Variants in SEMA5A observed in about 807,000 individuals in gnomAD.
SEMA5A encodes the protein semaphorin-5A.
SEMA5A carries 55 observed loss-of-function variants against 135.5 expected under a neutral mutation model. The observed-to-expected ratio is 0.41, with a 90% confidence interval of 0.33 to 0.51. SEMA5A has a LOEUF of 0.51. Ranked by LOEUF, SEMA5A falls within the 20% of genes least tolerant of loss-of-function variation. The probability of loss-of-function intolerance (pLI) is 0.37; values close to 1 mark genes in which losing one functional copy is unlikely to be tolerated. For synonymous variants in SEMA5A, 580 were observed against 546.5 expected (o/e 1.06, Z -0.85); for missense variants, 1,290 against 1,419.9 (o/e 0.91, Z 1.47).
At chr5:9,460,191 T>C (rs1380785001) in intron 1 of SEMA5A, among the ~76,000 whole-genome samples, 1 of 152,180 alleles carries the variant, frequency 6.6e-6, no homozygotes, top group Non-Finnish European at 1.5e-5. Flanking sequence ...TTATCAATAA[T>C]ACAAATGAAG....
chr5:9,111,288 C>T (rs1203195682), intron 15 of SEMA5A, among the ~76,000 whole-genome samples: 49 of 152,074 alleles, frequency 3.2e-4, no homozygotes, highest in Non-Finnish European at 3.1e-4. Flanking sequence ...CTCCTAAAAA[C>T]AACAACAAAA....
chr5:9,516,338 C>T (rs972546202), intron 1 of SEMA5A, among the ~76,000 whole-genome samples: 1 of 152,148 alleles, frequency 6.6e-6, no homozygotes, highest in Non-Finnish European at 1.5e-5. Context: ...TTGCCCATCA[C>T]ATGGAGAACA....
chr5:9,141,219 T>C (rs1259051419), intron 12 of SEMA5A, among the ~76,000 whole-genome samples: 1 of 152,232 alleles, frequency 6.6e-6, no homozygotes, highest in African/African-American at 2.4e-5. Context: ...TTTTGGAAGC[T>C]GGATCTCTTT....
intron 18 of SEMA5A, among the ~76,000 whole-genome samples, chr5:9,058,710 C>A (rs913219602): frequency 6.6e-6 from 1 of 152,186 alleles, no homozygotes; most frequent in Non-Finnish European, 1.5e-5. Context: ...AAGATTTGCT[C>A]AACAGGCTTC....
intron 21 of SEMA5A, among the ~76,000 whole-genome samples, chr5:9,049,522 T>C (rs1177012824): frequency 6.6e-6 from 1 of 152,236 alleles, no homozygotes; most frequent in Non-Finnish European, 1.5e-5. Context: ...AGTACATTCC[T>C]GAAACATGCC....
chr5:9,150,283 G>A (rs1742562230), intron 12 of SEMA5A, among the ~76,000 whole-genome samples: 1 of 152,112 alleles, frequency 6.6e-6, no homozygotes, highest in Non-Finnish European at 1.5e-5. Flanking sequence ...AAATTCCTCA[G>A]AAATTAGTGA....
intron 1 of SEMA5A, among the ~76,000 whole-genome samples, chr5:9,476,467 T>C (rs1026706000): frequency 6.6e-6 from 1 of 152,166 alleles, no homozygotes; most frequent in Non-Finnish European, 1.5e-5. Flanking sequence ...GCTGCCTTTT[T>C]GGTTTCTTGA....
In SEMA5A at chr5:9,137,329, A is replaced by C. The variant is rs770878052; in HGVS notation, c.1482-708T>G. ...TATAGTTGTGTCTATAATATCCTAC[A>C]TATGATATCAGAAGTATTTTAGATG... On this transcript the variant is annotated intron_variant, in intron 12 of 22. Coordinates refer to ENST00000382496, the MANE Select transcript of SEMA5A (RefSeq NM_003966.3). Among the ~76,000 whole-genome samples, 5 of 152,196 alleles carry C rather than the reference A, an allele frequency of 3.3e-5. No homozygotes were observed. In the East Asian group the frequency reaches 9.6e-4, roughly 29 times the overall value.
chr5:9,515,671 G>A (rs1346271887), intron 1 of SEMA5A, among the ~76,000 whole-genome samples: 1 of 152,170 alleles, frequency 6.6e-6, no homozygotes. Context: ...GATAGTCCCC[G>A]GGAATAGCAG....
At chr5:9,470,550 C>G (rs146885228) in intron 1 of SEMA5A, among the ~76,000 whole-genome samples, 1 of 152,312 alleles carries the variant, frequency 6.6e-6, no homozygotes, top group African/African-American at 2.4e-5. Context: ...TATCCATGAG[C>G]GCTGTCCAGT....
chr5:9,378,044 TA>T (rs1755439984), intron 3 of SEMA5A, among the ~76,000 whole-genome samples: 1 of 152,158 alleles, frequency 6.6e-6, no homozygotes, highest in Non-Finnish European at 1.5e-5. Context: ...GGATGTAAAC[TA>T]CATGGATTAA....
rs1730773587 is a variant in SEMA5A at position 9,527,086 on chromosome 5, G to C, written c.-175+18498C>G. ...GGAGGCCAGGGAAACACAAGGGATAGTGCAGCGACAGGGCTAGTCACAGTG... is the reference window on the plus strand; with the variant it reads ...GGAGGCCAGGGAAACACAAGGGATACTGCAGCGACAGGGCTAGTCACAGTG... On this transcript the variant is annotated intron_variant, in intron 1 of 22. Transcript: ENST00000382496. 2.0e-5 allele frequency among the ~76,000 whole-genome samples: 3 copies of C among 151,946 alleles called. No homozygotes were observed. The South Asian group carries it at 6.2e-4, about 32-fold the overall frequency.
intron 5 of SEMA5A, among the ~76,000 whole-genome samples, chr5:9,259,812 C>A (rs1749303739): frequency 2.5e-5 from 2 of 78,604 alleles, no homozygotes; most frequent in Admixed American, 3.3e-4. Context: ...AATTGACACC[C>A]TAACATCACA....
At chr5:9,103,433 A>G (rs1739734981) in intron 16 of SEMA5A, among the ~76,000 whole-genome samples, 1 of 152,152 alleles carries the variant, frequency 6.6e-6, no homozygotes, top group Non-Finnish European at 1.5e-5. Context: ...ATCAACTCTG[A>G]CTGACCCTCG....
rs115740841 is a variant in SEMA5A, at chr5:9,423,396, A to G, written c.-78+14360T>C. Among the ~76,000 whole-genome samples, 1,075 of 152,290 alleles carry G rather than the reference A, an allele frequency of 7.1e-3. 14 individuals are homozygous for G. The highest frequency in any genetic ancestry group is 0.025 in the African/African-American group (1,020 of 41,556). On this transcript the variant is annotated intron_variant, in intron 2 of 22. Coordinates refer to ENST00000382496, the MANE Select transcript of SEMA5A (RefSeq NM_003966.3). The stretch of plus-strand genomic sequence containing the variant: ...GCTCATCTATTTTGACAAGTTCTTG[A>G]TCATTGTGCAGTACAAACTATGCGC...
chr5:9,196,398 C>A (rs1745385455), intron 10 of SEMA5A, among the ~76,000 whole-genome samples: 1 of 152,194 alleles, frequency 6.6e-6, no homozygotes, highest in Admixed American at 6.5e-5. Flanking sequence ...ACCTGCAAGC[C>A]AGGAAGAGAG....
At chr5:9,149,682 C>A (rs576016612) in intron 12 of SEMA5A, among the ~76,000 whole-genome samples, 2 of 152,226 alleles carry the variant, frequency 1.3e-5, no homozygotes, top group Non-Finnish European at 1.5e-5. Flanking sequence ...TCCAAATCAG[C>A]GGCCCTCCCA....
chr5:9,483,258 C>G (rs761867989), intron 1 of SEMA5A, among the ~76,000 whole-genome samples: 2 of 152,090 alleles, frequency 1.3e-5, no homozygotes, highest in Non-Finnish European at 2.9e-5. Context: ...CCAAGTATCT[C>G]TATATATCTC....
intron 6 of SEMA5A, among the ~76,000 whole-genome samples, chr5:9,234,132 C>T (rs1047955231): frequency 4.6e-5 from 7 of 152,164 alleles, no homozygotes; most frequent in Non-Finnish European, 7.3e-5. Context: ...CCCAAAGAGA[C>T]GTTACCTATC....
Sources: allele counts gnomAD v4.1 joint callset (sites outside exome capture counted in the v4.1 genomes callset), GRCh38; gene constraint gnomAD v4.1.1; transcripts MANE v1.5; gene names NCBI Gene and HGNC (gene_info 2026-07-23, HGNC 2026-07-21).